Variants in TENM4 observed in about 807,000 individuals in gnomAD.
TENM4 encodes teneurin-4.
TENM4 carries 82 observed loss-of-function variants against 243.3 expected under a neutral mutation model. The ratio of observed to expected loss-of-function variants is 0.34; its 90% CI spans 0.28 to 0.40. TENM4 has a LOEUF of 0.40. Ranked by LOEUF, TENM4 falls within the 10% of genes least tolerant of loss-of-function variation. The pLI is 1.00. For synonymous variants in TENM4, 1,412 were observed against 1,456.3 expected, an observed-to-expected ratio of 0.97 and a Z score of 0.69; for missense variants, 3,138 against 3,673.3, an observed-to-expected ratio of 0.85 and a Z score of 3.77.
chr11:79,350,153 C>G (rs975610999), intron 1 of TENM4, among the ~76,000 whole-genome samples: 2 of 152,194 alleles, frequency 1.3e-5, no homozygotes, highest in African/African-American at 4.8e-5. Flanking sequence ...TGTTAGAAAT[C>G]CCAAGTCTTC....
At chr11:79,056,462 C>T (rs1859945369) in intron 6 of TENM4, among the ~76,000 whole-genome samples, 1 of 152,010 alleles carries the variant, frequency 6.6e-6, no homozygotes, top group African/African-American at 2.4e-5. Context: ...AAAGGGACTC[C>T]TAAGAACAAC....
In TENM4 at chr11:78,889,776, G is replaced by C; in HGVS notation, c.1084+9C>G. 1.3e-6 allele frequency: 2 copies of C among 1,551,684 alleles called. No homozygotes were observed. The highest frequency in any genetic ancestry group is 1.7e-6 in the Non-Finnish European group (2 of 1,146,742). ...GGAGCAAGGGGAGCTGGGGTGAAGA[G>C]GTGCTTACCCACAAAGTATGCCAGC... On this transcript the variant is annotated intron_variant, in intron 9 of 33. Coordinates refer to ENST00000278550, the MANE Select transcript of TENM4 (RefSeq NM_001098816.3).
intron 13 of TENM4, 44 bp from the exon 14 acceptor site, chr11:78,812,360 A>G (rs1857518702): frequency 6.5e-7 from 1 of 1,536,786 alleles, no homozygotes; most frequent in Admixed American, 2.0e-5. Context: ...AATGTCCAGC[A>G]CACCCCAACT....
chr11:79,272,279 G>A (rs1855981346), intron 2 of TENM4, among the ~76,000 whole-genome samples: 1 of 152,052 alleles, frequency 6.6e-6, no homozygotes. Flanking sequence ...GATCATAACT[G>A]TTTTCAGAAC....
intron 4 of TENM4, among the ~76,000 whole-genome samples, chr11:79,123,721 T>C (rs544430732): frequency 9.9e-5 from 15 of 151,948 alleles, no homozygotes; most frequent in African/African-American, 3.6e-4. Context: ...AGCCCCATCC[T>C]CTCTCCTTCC....
intron 20 of TENM4, among the ~76,000 whole-genome samples, chr11:78,733,512 T>C (rs574477494): frequency 3.3e-5 from 5 of 152,176 alleles, no homozygotes; most frequent in Admixed American, 6.5e-5. Context: ...CAGAATATCT[T>C]GTGCCCAAAC....
chr11:78,975,280 C>T (rs1457919245), intron 6 of TENM4, among the ~76,000 whole-genome samples: 2 of 151,942 alleles, frequency 1.3e-5, no homozygotes, highest in Non-Finnish European at 2.9e-5. Flanking sequence ...CCACGCGCTG[C>T]CTCCAGAGGG....
intron 23 of TENM4, among the ~76,000 whole-genome samples, chr11:78,725,217 T>C (rs1855485080): frequency 6.6e-6 from 1 of 152,258 alleles, no homozygotes; most frequent in Non-Finnish European, 1.5e-5. Context: ...GTCCCTCTTC[T>C]TTGTTCTTAA....
chr11:79,075,092 T>C (rs1333718471), intron 4 of TENM4, among the ~76,000 whole-genome samples: 2 of 152,226 alleles, frequency 1.3e-5, no homozygotes, highest in Admixed American at 6.5e-5. Flanking sequence ...ATCATCGTCA[T>C]TGAACTAATA....
intron 4 of TENM4, among the ~76,000 whole-genome samples, chr11:79,103,806 C>G (rs1047696720): frequency 1.3e-5 from 2 of 152,206 alleles, no homozygotes; most frequent in Non-Finnish European, 2.9e-5. Context: ...TTGAAGGGCA[C>G]CTTCCTCTGC....
intron 9 of TENM4, among the ~76,000 whole-genome samples, chr11:78,888,961 C>T (rs1319217647): frequency 2.6e-5 from 4 of 152,330 alleles, no homozygotes; most frequent in East Asian, 3.9e-4. Context: ...CTACACAACA[C>T]CCACAGATCT....
chr11:78,809,547 A>T (rs1857454055), intron 14 of TENM4, among the ~76,000 whole-genome samples: 1 of 152,166 alleles, frequency 6.6e-6, no homozygotes, highest in South Asian at 2.1e-4. Flanking sequence ...TGGTGATTAA[A>T]GTTGGCTTCT....
chr11:78,802,314 C>T (rs562403982), intron 15 of TENM4, among the ~76,000 whole-genome samples: 59 of 152,336 alleles, frequency 3.9e-4, no homozygotes, highest in African/African-American at 1.3e-3. Flanking sequence ...TTACATAACC[C>T]GCTGAGGCAG....
At position 78,889,895 on chromosome 11, in the gene TENM4, C is replaced by T. The variant is rs373911172; in HGVS notation, c.974G>A (p.Arg325Gln). 89 of 1,551,734 alleles carry T rather than the reference C, an allele frequency of 5.7e-5. No individual in the cohort carries two copies. In the East Asian group the frequency reaches 8.8e-4, roughly 15 times the overall value. ...PRPLPRSTFA[R>Q]PAFNLKKPSK... ...GGGCTTCTTGAGGTTAAAGGCCGGC[C>T]GGGCGAAGGTGCTGCGGGGCAGGGG... The change falls in exon 9 of 34, where the codon CGG (arginine) becomes CAG (glutamine). Residue 325 changes from arginine (R) to glutamine (Q), a missense_variant. Transcript: ENST00000278550.
At chr11:78,996,397 T>C (rs1033281010) in intron 6 of TENM4, among the ~76,000 whole-genome samples, 3 of 152,124 alleles carry the variant, frequency 2.0e-5, no homozygotes, top group African/African-American at 7.2e-5. Context: ...AACACATGAG[T>C]AAAGCCATCT....
intron 31 of TENM4, among the ~76,000 whole-genome samples, chr11:78,671,045 A>T (rs1401417425): frequency 6.6e-6 from 1 of 152,184 alleles, no homozygotes; most frequent in Non-Finnish European, 1.5e-5. Flanking sequence ...ACAGTCTCAC[A>T]ATTTCTTTTA....
intron 12 of TENM4, among the ~76,000 whole-genome samples, chr11:78,825,908 G>A (rs1294900351): frequency 6.6e-6 from 1 of 152,076 alleles, no homozygotes; most frequent in Non-Finnish European, 1.5e-5. Flanking sequence ...CATCTAATGA[G>A]CATCACTTTG....
chr11:78,925,428 G>C (rs1295833511), intron 6 of TENM4, among the ~76,000 whole-genome samples: 1 of 152,072 alleles, frequency 6.6e-6, no homozygotes, highest in Non-Finnish European at 1.5e-5. Context: ...ATTCCAGTTG[G>C]GTATACTTGT....
chr11:78,903,957 C>G (rs1856002253), intron 6 of TENM4: 2 of 414,748 alleles, frequency 4.8e-6, no homozygotes, highest in Non-Finnish European at 9.3e-6. Context: ...CTGATAGGGC[C>G]CAGGAAACTG....
Sources: allele counts gnomAD v4.1 joint callset (sites outside exome capture counted in the v4.1 genomes callset), GRCh38; gene constraint gnomAD v4.1.1; transcripts MANE v1.5; gene names NCBI Gene and HGNC (gene_info 2026-07-23, HGNC 2026-07-21).